OXCT1: variants seen among roughly 807,000 people sequenced by gnomAD.
OXCT1 encodes the protein 3-oxoacid CoA-transferase 1.
OXCT1 carries 27 observed loss-of-function variants against 69.6 expected under a neutral mutation model. The ratio of observed to expected loss-of-function variants is 0.39; its 90% CI spans 0.29 to 0.54. The LOEUF (loss-of-function observed/expected upper bound fraction) is 0.54. Ranked by LOEUF, OXCT1 falls within the 20% of genes least tolerant of loss-of-function variation. The pLI, the probability that OXCT1 is intolerant of heterozygous loss-of-function variation, is 0.72. For missense variants in OXCT1, 437 were observed against 650.2 expected, an observed-to-expected ratio of 0.67 and a Z score of 3.57; for synonymous variants, 202 against 217.8, an observed-to-expected ratio of 0.93 and a Z score of 0.64.
intron 15 of OXCT1, among the ~76,000 whole-genome samples, chr5:41,743,895 G>A (rs1743328173): frequency 1.3e-5 from 2 of 152,160 alleles, no homozygotes; most frequent in Non-Finnish European, 2.9e-5. Context: ...TTGTAGTATA[G>A]TTTGAAGTCA....
At chr5:41,865,332 A>G (rs1484310147) in intron 1 of OXCT1, among the ~76,000 whole-genome samples, 2 of 152,186 alleles carry the variant, frequency 1.3e-5, no homozygotes, top group African/African-American at 4.8e-5. Context: ...ATTACCAAAG[A>G]GCTTGCCACA....
intron 13 of OXCT1, among the ~76,000 whole-genome samples, chr5:41,791,810 T>G (rs35252930): frequency 6.6e-6 from 1 of 151,902 alleles, no homozygotes; most frequent in Admixed American, 6.5e-5. Context: ...TTATTTATTT[T>G]TTTTTTTATG....
At chr5:41,785,504 A>G (rs1745599767) in intron 13 of OXCT1, among the ~76,000 whole-genome samples, 1 of 152,264 alleles carries the variant, frequency 6.6e-6, no homozygotes, top group Non-Finnish European at 1.5e-5. Context: ...CAAAAATAAT[A>G]GCAAAGTATT....
chr5:41,815,351 A>G (rs945505804), intron 7 of OXCT1, among the ~76,000 whole-genome samples: 4 of 152,076 alleles, frequency 2.6e-5, no homozygotes, highest in African/African-American at 9.7e-5. Context: ...TTTTTATTTT[A>G]TTTTACTTTT....
intron 6 of OXCT1, 92 bp from the exon 7 acceptor site, chr5:41,840,603 A>G: frequency 1.3e-6 from 1 of 747,524 alleles, no homozygotes; most frequent in Non-Finnish European, 2.4e-6. Flanking sequence ...TAGAATTTCT[A>G]TGAACTAAGA....
chr5:41,867,349 T>A (rs972829297), intron 1 of OXCT1, among the ~76,000 whole-genome samples: 2 of 152,232 alleles, frequency 1.3e-5, no homozygotes, highest in African/African-American at 4.8e-5. Flanking sequence ...ACATAGCCCC[T>A]GCTATAATGA....
At position 41,819,315 on chromosome 5, in the gene OXCT1, G is replaced by A. The variant is rs145188905; in HGVS notation, c.733-11877C>T. Among the ~76,000 whole-genome samples, 50 of 137,842 alleles carry A rather than the reference G, an allele frequency of 3.6e-4. 2 individuals are homozygous for A. The highest frequency in any genetic ancestry group is 1.3e-3 in the African/African-American group (48 of 37,360). 90.4% of individuals were successfully genotyped at this position (137,842 alleles called of 152,430 possible). On this transcript the variant is annotated intron_variant, in intron 7 of 16. Coordinates refer to ENST00000196371, the MANE Select transcript of OXCT1 (RefSeq NM_000436.4). ...ATAATCTTTCAGGAGGGAGTATCAC[G>A]AACATTCTAAAACCATTAATATGCT...
intron 6 of OXCT1, among the ~76,000 whole-genome samples, chr5:41,841,750 A>G (rs897704419): frequency 2.0e-5 from 3 of 152,180 alleles, no homozygotes; most frequent in Non-Finnish European, 4.4e-5. Context: ...CGTGTCAAAT[A>G]AGGTAAAGAT....
intron 13 of OXCT1, among the ~76,000 whole-genome samples, chr5:41,764,855 A>G (rs1744520549): frequency 6.6e-6 from 1 of 152,214 alleles, no homozygotes; most frequent in Admixed American, 6.5e-5. Context: ...CAAGTAGCCC[A>G]TTAGGTGGTA....
intron 13 of OXCT1, among the ~76,000 whole-genome samples, chr5:41,764,659 A>C (rs1006240239): frequency 5.9e-5 from 9 of 152,128 alleles, no homozygotes; most frequent in African/African-American, 2.2e-4. Context: ...GTGAATTTCA[A>C]CTGTTCTCTT....
chr5:41,843,140 AAC>A (rs1579858328), intron 5 of OXCT1, among the ~76,000 whole-genome samples: 1 of 152,162 alleles, frequency 6.6e-6, no homozygotes, highest in Admixed American at 6.5e-5. Context: ...CCCCTGAAAA[AAC>A]AGTTTGCATA....
At chr5:41,846,134 AT>A (rs1176406436) in intron 5 of OXCT1, among the ~76,000 whole-genome samples, 2 of 151,214 alleles carry the variant, frequency 1.3e-5, no homozygotes, top group East Asian at 3.9e-4. Context: ...GTATTTATTT[AT>A]TTATTATTAT....
chr5:41,736,978 T>C (rs1742915317), intron 16 of OXCT1, among the ~76,000 whole-genome samples: 1 of 152,252 alleles, frequency 6.6e-6, no homozygotes, highest in Admixed American at 6.5e-5. Flanking sequence ...ATCTTCAATG[T>C]ACTTTTGTAA....
chr5:41,809,181 C>T (rs1746841409), intron 7 of OXCT1, among the ~76,000 whole-genome samples: 1 of 152,066 alleles, frequency 6.6e-6, no homozygotes, highest in Non-Finnish European at 1.5e-5. Flanking sequence ...TATATACCTA[C>T]AGAAAATAAA....
At chr5:41,822,142 G>A (rs1327545007) in intron 7 of OXCT1, among the ~76,000 whole-genome samples, 1 of 152,080 alleles carries the variant, frequency 6.6e-6, no homozygotes, top group Non-Finnish European at 1.5e-5. Flanking sequence ...GCACGCAGGT[G>A]ACACGGATCT....
intron 11 of OXCT1, among the ~76,000 whole-genome samples, chr5:41,797,043 C>A (rs1258559690): frequency 6.6e-6 from 1 of 152,188 alleles, no homozygotes; most frequent in Non-Finnish European, 1.5e-5. Flanking sequence ...ATGTCTATAA[C>A]CTGCAAATTC....
At chr5:41,862,870 C>A (rs993667950) in intron 1 of OXCT1, 120 bp from the exon 2 acceptor site, 4 of 662,720 alleles carry the variant, frequency 6.0e-6, no homozygotes, top group African/African-American at 1.8e-5. Context: ...TATATATACA[C>A]GTTTTTAATT....
intron 5 of OXCT1, among the ~76,000 whole-genome samples, chr5:41,849,600 C>T (rs1293828881): frequency 6.6e-6 from 1 of 152,192 alleles, no homozygotes; most frequent in East Asian, 1.9e-4. Flanking sequence ...CAGTTCCTTT[C>T]AAGGTTTCAG....
rs1363069130 is a variant in OXCT1, at chr5:41,870,393, G to A, written c.-35C>T. On this transcript the variant is annotated 5_prime_UTR_variant, in exon 1 of 17. Coordinates refer to ENST00000196371, the MANE Select transcript of OXCT1 (RefSeq NM_000436.4). This position sits in a 1 kb window ranked among gnomAD's most constrained non-coding sequence, Gnocchi z 4.2. ...GTGAGGCAGGAGGAGGCTGCGGGTT[G>A]GAGCGCGCGTTTGAGCGTCGGTGCG... 3 of 1,561,390 alleles carry A rather than the reference G, an allele frequency of 1.9e-6. No individual in the cohort carries two copies. The highest frequency in any genetic ancestry group is 2.6e-6 in the Non-Finnish European group (3 of 1,136,354).
Sources: allele counts gnomAD v4.1 joint callset (sites outside exome capture counted in the v4.1 genomes callset), GRCh38; gene constraint gnomAD v4.1.1; non-coding constraint Gnocchi (gnomAD v3.1); transcripts MANE v1.5; gene names NCBI Gene and HGNC (gene_info 2026-07-23, HGNC 2026-07-21).